CYP2C19: variants seen among roughly 807,000 people sequenced by gnomAD.
The protein encoded by CYP2C19 is cytochrome P450 2C19.
A neutral mutation model predicts 40.9 loss-of-function variants in CYP2C19; 59 were observed. That is an observed-to-expected ratio of 1.44 (90% CI 1.17 to 1.79). The LOEUF is 1.79. Ranked by LOEUF, CYP2C19 falls within the 40% of genes most tolerant of loss-of-function variation. CYP2C19 has a pLI of 0.00. For missense variants in CYP2C19, 754 were observed against 596.9 expected (o/e 1.26, Z -2.74); for synonymous variants, 253 against 208.7 (o/e 1.21, Z -1.83).
Position 94,802,697 on chromosome 10 carries a change from GGT to G in CYP2C19, c.820-17794_820-17793del, listed in dbSNP as rs544707625. ...ACAGAGTCAATGATCTTTACAATTT[GGT>G]GTGTTTTTGCAGTGGCTGGTACCAA... is the stretch of plus-strand genomic sequence containing the variant. On this transcript the variant is annotated intron_variant, in intron 5 of 8. Transcript: ENST00000371321. Among the ~76,000 whole-genome samples, 27 of 152,124 alleles carry G rather than the reference GGT, an allele frequency of 1.8e-4. No individual in the cohort carries two copies. In the South Asian group the frequency reaches 5.2e-3, roughly 29 times the overall value.
rs143958515 is a variant in CYP2C19, at chr10:94,765,769, A to C, written c.168+2896A>C. ...TATTTTGGGGCCCTGAGAAGCGGAC[A>C]ATCCATCTGGATAGAGCTGTTTGAG... On this transcript the variant is annotated intron_variant, in intron 1 of 8. Coordinates refer to ENST00000371321, the MANE Select transcript of CYP2C19 (RefSeq NM_000769.4). Among the ~76,000 whole-genome samples the C allele has an allele frequency of 3.0e-3, 461 of 152,228 alleles. 5 individuals are homozygous for C. Among genetic ancestry groups the C allele is most frequent in the African/African-American group, 0.011 (448 of 41,556 alleles).
chr10:94,831,244 G>A (rs1436731131), intron 6 of CYP2C19, among the ~76,000 whole-genome samples: 1 of 152,058 alleles, frequency 6.6e-6, no homozygotes, highest in Non-Finnish European at 1.5e-5. Context: ...ACTCCATTGT[G>A]TATATGTACT....
intron 5 of CYP2C19, among the ~76,000 whole-genome samples, chr10:94,786,999 A>G (rs951473777): frequency 7.2e-5 from 11 of 152,124 alleles, no homozygotes; most frequent in Admixed American, 2.0e-4. Flanking sequence ...TTTGTTTTCC[A>G]CTGGATATGT....
At chr10:94,820,420 T>C (rs1301689080) in intron 5 of CYP2C19, 76 bp from the exon 6 acceptor site, 30 of 1,509,280 alleles carry the variant, frequency 2.0e-5, no homozygotes, top group Non-Finnish European at 9.2e-7. Flanking sequence ...GTATACAATG[T>C]GAGTAATTTT....
chr10:94,767,931 G>A (rs1393943542), intron 1 of CYP2C19, among the ~76,000 whole-genome samples: 2 of 152,110 alleles, frequency 1.3e-5, no homozygotes, highest in East Asian at 3.9e-4. Context: ...CTAATGGGAG[G>A]TTCCACCTGG....
intron 5 of CYP2C19, among the ~76,000 whole-genome samples, chr10:94,787,821 C>A (rs1043201270): frequency 1.3e-5 from 2 of 151,948 alleles, no homozygotes; most frequent in Non-Finnish European, 2.9e-5. Flanking sequence ...GGCTTTATTT[C>A]TGGCTTCTGT....
intron 5 of CYP2C19, among the ~76,000 whole-genome samples, chr10:94,803,104 G>A (rs1848788232): frequency 6.6e-6 from 1 of 152,126 alleles, no homozygotes; most frequent in Non-Finnish European, 1.5e-5. Context: ...AGTTAGTGTG[G>A]TCTTTTGGTG....
At chr10:94,820,699 T>C (rs1003681681) in intron 6 of CYP2C19, 62 bp downstream of exon 6, 2 of 1,596,282 alleles carry the variant, frequency 1.3e-6, no homozygotes, top group Non-Finnish European at 1.7e-6. Context: ...GTGCTGCTAG[T>C]GTTCTCCTTT....
At chr10:94,801,835 TG>T (rs1411209740) in intron 5 of CYP2C19, among the ~76,000 whole-genome samples, 1 of 152,162 alleles carries the variant, frequency 6.6e-6, no homozygotes, top group Non-Finnish European at 1.5e-5. Context: ...GTCTGGATTT[TG>T]TTCCTTCTGG....
chr10:94,820,257 A>G (rs1849091971), intron 5 of CYP2C19, among the ~76,000 whole-genome samples: 1 of 152,026 alleles, frequency 6.6e-6, no homozygotes. Context: ...AATAAGAGCT[A>G]TCTATGACAA....
chr10:94,829,202 C>T (rs563016529), intron 6 of CYP2C19, among the ~76,000 whole-genome samples: 51 of 152,184 alleles, frequency 3.4e-4, no homozygotes, highest in Middle Eastern at 3.4e-3. Flanking sequence ...TGAATCTGAA[C>T]GTTGGCCTGC....
intron 5 of CYP2C19, among the ~76,000 whole-genome samples, chr10:94,803,655 G>C (rs1317228285): frequency 6.6e-6 from 1 of 152,196 alleles, no homozygotes; most frequent in Non-Finnish European, 1.5e-5. Context: ...CCCCAGGGTT[G>C]TGCTAGCCAT....
At chr10:94,831,100 A>G (rs779614676) in intron 6 of CYP2C19, among the ~76,000 whole-genome samples, 26 of 152,104 alleles carry the variant, frequency 1.7e-4, no homozygotes, top group Admixed American at 4.6e-4. Flanking sequence ...TTTATTTTAG[A>G]TCCCACAAAT....
At chr10:94,827,629 A>G (rs375899361) in intron 6 of CYP2C19, among the ~76,000 whole-genome samples, 5 of 151,986 alleles carry the variant, frequency 3.3e-5, no homozygotes, top group African/African-American at 1.2e-4. Context: ...TGGATTCATT[A>G]ATTTTTTGAA....
intron 5 of CYP2C19, among the ~76,000 whole-genome samples, chr10:94,811,854 T>C (rs1160752682): frequency 2.0e-5 from 3 of 152,186 alleles, no homozygotes; most frequent in Non-Finnish European, 4.4e-5. Context: ...GTCTTTTAAT[T>C]GGGGCATTTA....
intron 5 of CYP2C19, among the ~76,000 whole-genome samples, chr10:94,794,327 C>T (rs891058141): frequency 2.6e-5 from 4 of 152,256 alleles, no homozygotes; most frequent in East Asian, 3.9e-4. Flanking sequence ...CGATGCCCTG[C>T]CCTGCTTCAG....
At chr10:94,763,458 G>A (rs993998049) in intron 1 of CYP2C19, among the ~76,000 whole-genome samples, 2 of 152,134 alleles carry the variant, frequency 1.3e-5, no homozygotes, top group Admixed American at 1.3e-4. Context: ...TTTAGTAATA[G>A]TAGAAAGAGG....
At chr10:94,800,950 A>C (rs953718537) in intron 5 of CYP2C19, among the ~76,000 whole-genome samples, 5 of 152,154 alleles carry the variant, frequency 3.3e-5, no homozygotes, top group African/African-American at 1.2e-4. Context: ...TAAGAAAGGG[A>C]AATCCCTTAA....
At chr10:94,788,514 T>C (rs1362511248) in intron 5 of CYP2C19, among the ~76,000 whole-genome samples, 1 of 151,706 alleles carries the variant, frequency 6.6e-6, no homozygotes, top group Non-Finnish European at 1.5e-5. Flanking sequence ...GTCACCTACA[T>C]GAGGTATTTC....
Sources: allele counts gnomAD v4.1 joint callset (sites outside exome capture counted in the v4.1 genomes callset), GRCh38; gene constraint gnomAD v4.1.1; transcripts MANE v1.5; gene names NCBI Gene and HGNC (gene_info 2026-07-23, HGNC 2026-07-21).